The following CTBP2 variants were observed in gnomAD, a reference collection of about 807,000 sequenced individuals.
The protein encoded by CTBP2 is C-terminal-binding protein 2.
In CTBP2, 30 loss-of-function variants were observed where a neutral mutation model predicts 80.3. The observed-to-expected ratio is 0.37, with a 90% CI of 0.28 to 0.51. CTBP2 has a LOEUF of 0.51. Among genes scored for constraint, CTBP2 ranks in the 20% least tolerant of loss-of-function variants. The pLI is 0.93. For synonymous variants in CTBP2, 594 were observed against 587.4 expected (o/e 1.01, Z -0.16); for missense variants, 1,212 against 1,375.3 (o/e 0.88, Z 1.88).
intron 1 of CTBP2, among the ~76,000 whole-genome samples, chr10:125,159,677 C>T (rs1415609674): frequency 6.7e-6 from 1 of 149,710 alleles, no homozygotes; most frequent in East Asian, 2.0e-4. Flanking sequence ...GCCGCTCACG[C>T]CCCGACTTCC....
At chr10:125,130,039 CTCT>C (rs1322501294) in intron 1 of CTBP2, among the ~76,000 whole-genome samples, 2 of 71,136 alleles carry the variant, frequency 2.8e-5, no homozygotes, top group South Asian at 6.1e-4. Flanking sequence ...CAGGATTTCT[CTCT>C]TTTTTTTTTT....
chr10:125,156,425 C>G (rs144833123), intron 1 of CTBP2, among the ~76,000 whole-genome samples: 4 of 152,288 alleles, frequency 2.6e-5, no homozygotes, highest in Non-Finnish European at 5.9e-5. Flanking sequence ...TTAGGGAAAG[C>G]GTTAAGTGCA....
intron 1 of CTBP2, among the ~76,000 whole-genome samples, chr10:125,147,690 G>T (rs1339381644): frequency 6.6e-6 from 1 of 152,080 alleles, no homozygotes; most frequent in African/African-American, 2.4e-5. Flanking sequence ...TTGAGCTCAG[G>T]AGTTCATGAG....
Position 125,041,508 on chromosome 10 carries a change from C to T in CTBP2, c.-101-2353G>A, listed in dbSNP as rs925743163. 1.2e-4 allele frequency among the ~76,000 whole-genome samples: 4 copies of T among 34,054 alleles called. No individual in the cohort carries two copies. In the East Asian group the frequency reaches 3.7e-3, roughly 31 times the overall value. The allele number at this position is 34,054 out of a possible 152,430, so 22.3% of individuals were successfully genotyped here. Reference sequence around the variant, plus strand: ...TCTGAGCTTTTGTCCATCCCCACCCCCCCCCCCCCCACCCACAAGTGACTC... The same window carrying T: ...TCTGAGCTTTTGTCCATCCCCACCCTCCCCCCCCCCACCCACAAGTGACTC... On this transcript the variant is annotated intron_variant, in intron 2 of 10. Coordinates refer to the CTBP2 transcript ENST00000337195.
intron 2 of CTBP2, among the ~76,000 whole-genome samples, chr10:125,078,081 C>T (rs1846549564): frequency 6.6e-6 from 1 of 152,152 alleles, no homozygotes; most frequent in Non-Finnish European, 1.5e-5. Context: ...GAGATCGACA[C>T]CATCCTGGCT....
chr10:125,058,252 G>A (rs555482273), intron 2 of CTBP2, among the ~76,000 whole-genome samples: 4 of 152,148 alleles, frequency 2.6e-5, no homozygotes, highest in Admixed American at 6.6e-5. Flanking sequence ...CCACTATAAA[G>A]AATACAGGCA....
chr10:125,079,759 C>T (rs776302024), intron 2 of CTBP2, among the ~76,000 whole-genome samples: 2 of 152,206 alleles, frequency 1.3e-5, no homozygotes, highest in African/African-American at 2.4e-5. Context: ...ATCAGTTCCA[C>T]GCTTAGGACA....
At chr10:125,016,337 C>A (rs1456095603) in intron 1 of CTBP2, among the ~76,000 whole-genome samples, 1 of 152,234 alleles carries the variant, frequency 6.6e-6, no homozygotes, top group Non-Finnish European at 1.5e-5. Flanking sequence ...CCCATGAGTG[C>A]CGGGACCAGG....
At chr10:125,130,754 A>G (rs142930448) in intron 1 of CTBP2, among the ~76,000 whole-genome samples, 244 of 152,222 alleles carry the variant, frequency 1.6e-3, no homozygotes, top group African/African-American at 5.7e-3. Context: ...ATATTTAGAG[A>G]CCGACTGTAC....
intron 2 of CTBP2, among the ~76,000 whole-genome samples, chr10:125,079,015 C>CGAGT (rs1361927126): frequency 6.6e-6 from 1 of 150,852 alleles, no homozygotes; most frequent in Non-Finnish European, 1.5e-5. Context: ...GGCATGGTGA[C>CGAGT]GAGTGCCTGT....
intron 2 of CTBP2, among the ~76,000 whole-genome samples, chr10:125,055,625 C>T (rs931775492): frequency 1.3e-5 from 2 of 152,140 alleles, no homozygotes; most frequent in African/African-American, 2.4e-5. Context: ...AACACGGCTA[C>T]GTCTCACAAA....
chr10:125,154,118 G>T (rs1055249429), intron 1 of CTBP2, among the ~76,000 whole-genome samples: 114 of 152,240 alleles, frequency 7.5e-4, no homozygotes, highest in African/African-American at 2.7e-3. Flanking sequence ...AATGCAAGAA[G>T]CACATTTCTG....
At chr10:125,119,570 T>C (rs1004282227) in intron 1 of CTBP2, among the ~76,000 whole-genome samples, 5 of 152,238 alleles carry the variant, frequency 3.3e-5, no homozygotes. Flanking sequence ...ATAGGTCAAA[T>C]GGAAAATAAA....
At chr10:124,992,184 C>T (rs867102433) in intron 8 of CTBP2, among the ~76,000 whole-genome samples, 6 of 143,960 alleles carry the variant, frequency 4.2e-5, no homozygotes, top group Non-Finnish European at 9.0e-5. Flanking sequence ...ATCTTATCTA[C>T]GTATACCTTT....
At chr10:125,156,675 T>C (rs1860975514) in intron 1 of CTBP2, among the ~76,000 whole-genome samples, 1 of 152,254 alleles carries the variant, frequency 6.6e-6, no homozygotes, top group African/African-American at 2.4e-5. Flanking sequence ...GTACATACTA[T>C]ATATATTCAT....
At chr10:125,133,436 A>T (rs1856488184) in intron 1 of CTBP2, 6 of 152,238 alleles carry the variant, frequency 3.9e-5, no homozygotes, top group Admixed American at 3.9e-4. Flanking sequence ...AAAGAGTTTC[A>T]CAAAGTAGCA....
At chr10:125,004,671 G>C (rs1954996408) in intron 1 of CTBP2, among the ~76,000 whole-genome samples, 1 of 152,136 alleles carries the variant, frequency 6.6e-6, no homozygotes, top group Non-Finnish European at 1.5e-5. Context: ...CAACTTTTCA[G>C]ATATCCAGAT....
At chr10:125,143,054 C>T (rs969036698) in intron 1 of CTBP2, among the ~76,000 whole-genome samples, 6 of 152,184 alleles carry the variant, frequency 3.9e-5, no homozygotes, top group Admixed American at 2.6e-4. Context: ...CCCCAGCTCG[C>T]GGAAATCCAC....
At chr10:125,139,082 A>C (rs1857388665) in intron 1 of CTBP2, among the ~76,000 whole-genome samples, 1 of 152,140 alleles carries the variant, frequency 6.6e-6, no homozygotes, top group Non-Finnish European at 1.5e-5. Context: ...CAGACAGTAG[A>C]TACTATTAGC....
Sources: allele counts gnomAD v4.1 joint callset (sites outside exome capture counted in the v4.1 genomes callset), GRCh38; gene constraint gnomAD v4.1.1; transcripts MANE v1.5; gene names NCBI Gene and HGNC (gene_info 2026-07-23, HGNC 2026-07-21).